PMS1: variants seen among roughly 807,000 people sequenced by gnomAD.
PMS1 encodes the protein PMS1 protein homolog 1.
In PMS1, 79 loss-of-function variants were observed where a neutral mutation model predicts 93.1. The observed-to-expected ratio is 0.85, with a 90% CI of 0.71 to 1.02. The LOEUF (loss-of-function observed/expected upper bound fraction) is 1.02, where lower values mean the gene tolerates loss of function less well. Ranked by LOEUF, PMS1 falls within the 50% of genes least tolerant of loss-of-function variation. PMS1 has a pLI of 0.00. For synonymous variants in PMS1, 335 were observed against 363.4 expected (o/e 0.92, Z 0.89); for missense variants, 1,064 against 1,085.3 (o/e 0.98, Z 0.28).
intron 4 of PMS1, among the ~76,000 whole-genome samples, chr2:189,813,189 G>C (rs1469588708): frequency 1.3e-5 from 2 of 152,168 alleles, no homozygotes; most frequent in African/African-American, 4.8e-5. Context: ...AAGAAGTAGA[G>C]GGAAGAATCA....
chr2:189,818,650 T>G (rs1261550733), intron 5 of PMS1, among the ~76,000 whole-genome samples: 1 of 151,924 alleles, frequency 6.6e-6, no homozygotes, highest in Admixed American at 6.6e-5. Context: ...TCTAGTTTTA[T>G]CTTTATTACA....
At chr2:189,793,633 C>T (rs936877276) in intron 2 of PMS1, among the ~76,000 whole-genome samples, 3 of 152,152 alleles carry the variant, frequency 2.0e-5, no homozygotes, top group African/African-American at 7.2e-5. Context: ...GGCAGGCAGA[C>T]ATCTTTTTCT....
chr2:189,792,819 T>A (rs999946862), intron 2 of PMS1, among the ~76,000 whole-genome samples: 1 of 151,110 alleles, frequency 6.6e-6, no homozygotes, highest in Non-Finnish European at 1.5e-5. Flanking sequence ...TTATTTATTT[T>A]TTATTTTTTT....
In PMS1 at chr2:189,804,099, A is replaced by G. The variant is rs1198779769; in HGVS notation, c.316-1553A>G. ...TCTTATCATCACCCTTCCCTTAAAG[A>G]TGATCTGTGTAATCATTTATTCAGG... On this transcript the variant is annotated intron_variant, in intron 3 of 12. Transcript: ENST00000441310. 3.9e-5 allele frequency among the ~76,000 whole-genome samples: 6 copies of G among 152,306 alleles called. No individual in the cohort carries two copies. In the East Asian group the frequency reaches 1.2e-3, roughly 29 times the overall value.
chr2:189,822,229 G>A (rs973014552), intron 5 of PMS1, among the ~76,000 whole-genome samples: 2 of 152,216 alleles, frequency 1.3e-5, no homozygotes, highest in African/African-American at 4.8e-5. Flanking sequence ...ACCCTGGTCG[G>A]GGAGAGTCCG....
chr2:189,830,073 G>A (rs1344355881), intron 5 of PMS1, among the ~76,000 whole-genome samples: 2 of 152,074 alleles, frequency 1.3e-5, no homozygotes, highest in African/African-American at 4.8e-5. Flanking sequence ...CTCTATTGGG[G>A]TCAGTATATT....
chr2:189,791,774 C>A lies in PMS1; in HGVS notation c.-20-16C>A. The A allele has an allele frequency of 6.2e-7, 1 of 1,606,324 alleles. No individual in the cohort carries two copies. Among genetic ancestry groups the A allele is most frequent in the Non-Finnish European group, 8.5e-7 (1 of 1,174,182 alleles). ...AATGCTTAACAATTCTTACAAGTTG[C>A]ATTTTTATCTTCTAGCTGCTCTGTT... On this transcript the variant is annotated splice_polypyrimidine_tract_variant and intron_variant, in intron 1 of 12. Coordinates refer to ENST00000441310, the MANE Select transcript of PMS1 (RefSeq NM_000534.5).
chr2:189,867,895 T>TA lies in PMS1; in HGVS notation c.2440dup (p.Thr814AsnfsTer17). On this transcript the variant is annotated frameshift_variant, in exon 11 of 13. Transcript: ENST00000441310. LOFTEE classifies it high-confidence loss of function. ...CAACTTACCTGTCTGATCCTCGTCTTACAGCGAATGGTTTCAAGATAAAAT... is the reference window on the plus strand; with the variant it reads ...CAACTTACCTGTCTGATCCTCGTCTTAACAGCGAATGGTTTCAAGATAAAAT... 6.2e-7 allele frequency: 1 copy of TA among 1,610,406 alleles called. No homozygotes were observed. The highest frequency in any genetic ancestry group is 1.1e-5 in the South Asian group (1 of 91,000).
intron 1 of PMS1, chr2:189,791,585 C>T (rs1338027075): frequency 2.3e-6 from 1 of 443,450 alleles, no homozygotes; most frequent in South Asian, 2.1e-5. Flanking sequence ...CCACTGCACT[C>T]CAGCCTGGGT....
chr2:189,858,046 G>C (rs574499155), intron 9 of PMS1, among the ~76,000 whole-genome samples: 1 of 152,112 alleles, frequency 6.6e-6, no homozygotes, highest in South Asian at 2.1e-4. Flanking sequence ...ATAATGGAAG[G>C]TTCTCAAAGC....
chr2:189,791,215 C>A lies in PMS1; in HGVS notation c.-20-575C>A, dbSNP rs537517829. ...GTTGAAGGACTTGCCTTAGCTCTGC[C>A]TCTTAATAACTGGATGACCTTGGAC... On this transcript the variant is annotated intron_variant, in intron 1 of 12. Transcript: ENST00000441310. Among the ~76,000 whole-genome samples, 15 of 152,136 alleles carry A rather than the reference C, an allele frequency of 9.9e-5. No individual in the cohort carries two copies. In the South Asian group the frequency reaches 3.1e-3, roughly 32 times the overall value.
rs553583710 is a variant in PMS1, at chr2:189,810,376, A to G, written c.418+4622A>G. On this transcript the variant is annotated intron_variant, in intron 4 of 12. Coordinates refer to ENST00000441310, the MANE Select transcript of PMS1 (RefSeq NM_000534.5). Reference sequence around the variant, plus strand: ...TAAATGAACAAAGCTCAAGAGAAACACTACATCCTCCTAGAAAAGAAGTGC... The same window carrying G: ...TAAATGAACAAAGCTCAAGAGAAACGCTACATCCTCCTAGAAAAGAAGTGC... Among the ~76,000 whole-genome samples the G allele has an allele frequency of 8.5e-5, 13 of 152,362 alleles. 2 individuals carry two copies. In the South Asian group the frequency reaches 2.7e-3, roughly 32 times the overall value.
At chr2:189,803,296 T>C (rs1473917612) in intron 3 of PMS1, among the ~76,000 whole-genome samples, 1 of 152,218 alleles carries the variant, frequency 6.6e-6, no homozygotes, top group African/African-American at 2.4e-5. Flanking sequence ...AGAAAAACTA[T>C]GTTTATCTGA....
intron 3 of PMS1, among the ~76,000 whole-genome samples, chr2:189,799,180 A>G (rs1451603913): frequency 1.3e-5 from 2 of 152,268 alleles, no homozygotes; most frequent in African/African-American, 4.8e-5. Context: ...ATTACAAAAG[A>G]ATTGTCAAAG....
In PMS1 at chr2:189,876,770, C is replaced by CTT. The variant is rs150660131; in HGVS notation, c.2635-481_2635-480dup. Among the ~76,000 whole-genome samples the CTT allele has an allele frequency of 2.4e-3, 283 of 117,856 alleles. 2 individuals carry two copies. Among genetic ancestry groups the CTT allele is most frequent in the Middle Eastern group, 4.9e-3 (1 of 206 alleles). The allele number at this position is 117,856 out of a possible 152,430, so 77.3% of individuals were successfully genotyped here. A position where few individuals can be genotyped will look rare whatever the true frequency, so the allele number is the denominator to read the frequency against. ...CTACAGGCATGCCCCACCGTGCCCA[C>CTT]TTTTTTTTTTTTTTTTTTTTTTGTG... On this transcript the variant is annotated intron_variant, in intron 12 of 12. Transcript: ENST00000441310.
At chr2:189,868,037 C>T (rs1329842407) in intron 11 of PMS1, 108 bp downstream of exon 11, 1 of 950,146 alleles carries the variant, frequency 1.1e-6, no homozygotes, top group Non-Finnish European at 1.7e-6. Context: ...TTTTGTCTCA[C>T]TATAAGTACA....
intron 12 of PMS1, among the ~76,000 whole-genome samples, chr2:189,876,244 A>G (rs2057558278): frequency 6.6e-6 from 1 of 152,114 alleles, no homozygotes; most frequent in Non-Finnish European, 1.5e-5. Flanking sequence ...GGAGTTGGTA[A>G]TTTTAGTACA....
rs944732709 is a variant in PMS1 at position 189,872,723 on chromosome 2, C to T, written c.2474-773C>T. Reference sequence around the variant, plus strand: ...TCTCAGCTCACTGCAACCTGTGCCTCCTGGGATCAAGTGATCCTCCCATCT... The same window carrying T: ...TCTCAGCTCACTGCAACCTGTGCCTTCTGGGATCAAGTGATCCTCCCATCT... On this transcript the variant is annotated intron_variant, in intron 11 of 12. Coordinates refer to ENST00000441310, the MANE Select transcript of PMS1 (RefSeq NM_000534.5). Among the ~76,000 whole-genome samples, 4 of 152,276 alleles carry T rather than the reference C, an allele frequency of 2.6e-5. No homozygotes were observed. In the Middle Eastern group the frequency reaches 0.01, roughly 388 times the overall value.
chr2:189,791,843 C>A lies in PMS1; in HGVS notation c.34C>A (p.Leu12Ile), dbSNP rs374261058. 1.2e-6 allele frequency: 2 copies of A among 1,613,956 alleles called. No homozygotes were observed. Among genetic ancestry groups the A allele is most frequent in the Non-Finnish European group, 1.7e-6 (2 of 1,179,862 alleles). The change falls in exon 2 of 13, where the codon CTT (leucine) becomes ATT (isoleucine). Residue 12 changes from leucine (L) to isoleucine (I), a missense_variant. Coordinates refer to ENST00000441310, the MANE Select transcript of PMS1 (RefSeq NM_000534.5). ...ATTGCCTGCGGCAACAGTTCGACTC[C>A]TTTCAAGTTCTCAGATCATCACTTC... Reference protein sequence around the residue: ...KQLPAATVRLLSSSQIITSVV... With the variant: ...KQLPAATVRLISSSQIITSVV...
Sources: allele counts gnomAD v4.1 joint callset (sites outside exome capture counted in the v4.1 genomes callset), GRCh38; gene constraint gnomAD v4.1.1; transcripts MANE v1.5; gene names NCBI Gene and HGNC (gene_info 2026-07-23, HGNC 2026-07-21).